SMARCAD1: variants seen among roughly 807,000 people sequenced by gnomAD.
The protein encoded by SMARCAD1 is SWI/SNF-related matrix-associated actin-dependent regulator of chromatin subfamily A containing DEAD/H box 1.
In SMARCAD1, 25 loss-of-function variants were observed where a neutral mutation model predicts 127.1. That is an observed-to-expected ratio of 0.20 (90% CI 0.14 to 0.27). The LOEUF (loss-of-function observed/expected upper bound fraction) is 0.27. SMARCAD1 is among the 10% of genes least tolerant of loss of function. The pLI, the probability that SMARCAD1 is intolerant of heterozygous loss-of-function variation, is 1.00. For synonymous variants in SMARCAD1, 400 were observed against 396.9 expected, an observed-to-expected ratio of 1.01 and a Z score of -0.09; for missense variants, 807 against 1,206.0, an observed-to-expected ratio of 0.67 and a Z score of 4.90.
intron 2 of SMARCAD1, among the ~76,000 whole-genome samples, chr4:94,209,371 A>AGAG (rs1315615049): frequency 6.6e-6 from 1 of 152,254 alleles, no homozygotes; most frequent in African/African-American, 2.4e-5. Flanking sequence ...GGAACTTGGT[A>AGAG]GAGCCTGAAC....
rs559864672 is a variant in SMARCAD1 at position 94,282,139 on chromosome 4, G to A, written c.2726+549G>A. 5.3e-3 allele frequency among the ~76,000 whole-genome samples: 287 copies of A among 54,082 alleles called. 20 individuals are homozygous for A. Among genetic ancestry groups the A allele is most frequent in the Non-Finnish European group, 7.7e-3 (214 of 27,770 alleles). 35.5% of individuals were successfully genotyped at this position (54,082 alleles called of 152,430 possible). ...TTTTGAGACGGAGTCTCGCTCTGTC[G>A]CCCAGGCTGGAGTGCAGTGGCGCGA... On this transcript the variant is annotated intron_variant, in intron 21 of 23. Coordinates refer to ENST00000354268, the MANE Select transcript of SMARCAD1 (RefSeq NM_020159.5).
At position 94,210,535 on chromosome 4, in the gene SMARCAD1, C is replaced by G. The variant is rs1317762348; in HGVS notation, c.190+1951C>G. On this transcript the variant is annotated intron_variant, in intron 2 of 23. Coordinates refer to ENST00000354268, the MANE Select transcript of SMARCAD1 (RefSeq NM_020159.5). ...GAAGGGAAAGAAAACATTTAGGCAA[C>G]TCCTGTAATTGAGCTTAATGATAGC... Among the ~76,000 whole-genome samples the G allele has an allele frequency of 3.3e-5, 5 of 152,064 alleles. No individual in the cohort carries two copies. In the South Asian group the frequency reaches 1.0e-3, roughly 32 times the overall value.
chr4:94,244,720 C>G (rs948070372), intron 6 of SMARCAD1, among the ~76,000 whole-genome samples: 1 of 148,378 alleles, frequency 6.7e-6, no homozygotes, highest in Non-Finnish European at 1.5e-5. Context: ...TTACTTAGTT[C>G]TTCTCTGTTA....
chr4:94,237,267 A>T (rs1746807307), intron 5 of SMARCAD1, among the ~76,000 whole-genome samples: 1 of 152,090 alleles, frequency 6.6e-6, no homozygotes, highest in Non-Finnish European at 1.5e-5. Context: ...TCTCTTTTTA[A>T]AGTATAATTT....
intron 11 of SMARCAD1, among the ~76,000 whole-genome samples, chr4:94,271,765 G>C (rs562589652): frequency 4.6e-5 from 7 of 152,276 alleles, no homozygotes; most frequent in East Asian, 1.9e-4. Flanking sequence ...GGGGTCCCCA[G>C]CTTTGCCTTT....
chr4:94,289,862 T>G lies in SMARCAD1; in HGVS notation c.*328T>G, dbSNP rs1481134725. On this transcript the variant is annotated 3_prime_UTR_variant, in exon 24 of 24. Transcript: ENST00000354268. ...GAAATGTCAGTATTTTTGTAATTAT[T>G]TCTACCTCCAAATATATATATATTG... The G allele has an allele frequency of 6.3e-6, 3 of 473,352 alleles. No individual in the cohort carries two copies. Among genetic ancestry groups the G allele is most frequent in the Non-Finnish European group, 1.2e-5 (3 of 240,412 alleles). The allele number at this position is 473,352 out of a possible 1,614,324, so 29.3% of individuals were successfully genotyped here.
At chr4:94,260,097 T>C (rs1750732852) in intron 9 of SMARCAD1, among the ~76,000 whole-genome samples, 1 of 152,152 alleles carries the variant, frequency 6.6e-6, no homozygotes, top group Non-Finnish European at 1.5e-5. Flanking sequence ...TCTATAACTC[T>C]CCTGTCTAAA....
intron 4 of SMARCAD1, among the ~76,000 whole-genome samples, chr4:94,236,470 A>AT (rs999333495): frequency 2.6e-5 from 4 of 152,092 alleles, no homozygotes; most frequent in African/African-American, 7.2e-5. Flanking sequence ...GCAGTATTAG[A>AT]TTTTTTTAAA....
At chr4:94,284,341 AAAAAAAAAAAAAG>A (rs1445251443) in intron 22 of SMARCAD1, among the ~76,000 whole-genome samples, 2 of 104,228 alleles carry the variant, frequency 1.9e-5, no homozygotes, top group African/African-American at 3.0e-5. Context: ...AAAAAAAAAA[AAAAAAAAAAAAAG>A]AAAAAAGTAA....
At chr4:94,255,465 AATTAT>A (rs750865987) in intron 9 of SMARCAD1, among the ~76,000 whole-genome samples, 151 of 152,128 alleles carry the variant, frequency 9.9e-4, no homozygotes, top group Non-Finnish European at 1.9e-3. Context: ...TGAATGTGAA[AATTAT>A]ATTGTGCCTT....
Position 94,290,354 on chromosome 4 carries a change from C to T in SMARCAD1, c.*820C>T, listed in dbSNP as rs960680995. 2.2e-6 allele frequency: 1 copy of T among 454,386 alleles called. No homozygotes were observed. The highest frequency in any genetic ancestry group is 2.0e-5 in the African/African-American group (1 of 49,998). The allele number at this position is 454,386 out of a possible 1,614,324, so 28.1% of individuals were successfully genotyped here. On this transcript the variant is annotated 3_prime_UTR_variant, in exon 24 of 24. Coordinates refer to ENST00000354268, the MANE Select transcript of SMARCAD1 (RefSeq NM_020159.5). Reference sequence around the variant, plus strand: ...GCCCAGTCACTTCTGCTCCAATTCTCTTCCTCTCTAAATAGTAGTTTATTA... The same window carrying T: ...GCCCAGTCACTTCTGCTCCAATTCTTTTCCTCTCTAAATAGTAGTTTATTA...
intron 16 of SMARCAD1, among the ~76,000 whole-genome samples, chr4:94,278,045 C>A (rs1463231389): frequency 6.6e-6 from 1 of 152,066 alleles, no homozygotes; most frequent in Non-Finnish European, 1.5e-5. Context: ...CCATTTTCCA[C>A]AAAGAAATAA....
intron 4 of SMARCAD1, among the ~76,000 whole-genome samples, chr4:94,236,502 C>G (rs1482141093): frequency 6.6e-6 from 1 of 151,568 alleles, no homozygotes; most frequent in African/African-American, 2.4e-5. Context: ...GTCCTTTTTC[C>G]CCTAGAAATT....
chr4:94,225,029 A>G (rs1423908686), intron 2 of SMARCAD1, among the ~76,000 whole-genome samples: 6 of 152,290 alleles, frequency 3.9e-5, no homozygotes, highest in Middle Eastern at 3.4e-3. Context: ...CATTCCTCCT[A>G]AAATATGTAA....
intron 2 of SMARCAD1, chr4:94,212,982 A>G (rs1553912424): frequency 2.1e-6 from 2 of 949,302 alleles, no homozygotes; most frequent in Non-Finnish European, 2.9e-6. Context: ...GTTGTCAATG[A>G]TTGTTATTTA....
At chr4:94,216,464 A>T (rs935223923) in intron 2 of SMARCAD1, among the ~76,000 whole-genome samples, 1 of 152,190 alleles carries the variant, frequency 6.6e-6, no homozygotes, top group Non-Finnish European at 1.5e-5. Context: ...ATTATGATAA[A>T]ATACACATAA....
intron 9 of SMARCAD1, among the ~76,000 whole-genome samples, chr4:94,256,638 C>T (rs538532951): frequency 6.6e-6 from 1 of 152,188 alleles, no homozygotes; most frequent in Non-Finnish European, 1.5e-5. Flanking sequence ...GCCGGGGTTA[C>T]AGGCGTGAGC....
Position 94,291,146 on chromosome 4 carries a change from T to A in SMARCAD1, c.*1612T>A. On this transcript the variant is annotated 3_prime_UTR_variant, in exon 24 of 24. Transcript: ENST00000354268. The stretch of plus-strand genomic sequence containing the variant: ...GGATATCTCATGTTTTCTGTATTAA[T>A]GTATTTTCAATGATAGGCTGTTTCT... 2.2e-6 allele frequency: 1 copy of A among 452,914 alleles called. No individual in the cohort carries two copies. The highest frequency in any genetic ancestry group is 1.6e-5 in the South Asian group (1 of 63,826). 28.1% of individuals were successfully genotyped at this position (452,914 alleles called of 1,614,324 possible). A position where few individuals can be genotyped will look rare whatever the true frequency, so the allele number is the denominator to read the frequency against.
chr4:94,233,887 A>G (rs1746238566), intron 3 of SMARCAD1, 67 bp from the exon 4 acceptor site: 2 of 1,493,436 alleles, frequency 1.3e-6, no homozygotes, highest in East Asian at 2.3e-5. Context: ...ATACACATAG[A>G]CACTATAATG....
Sources: allele counts gnomAD v4.1 joint callset (sites outside exome capture counted in the v4.1 genomes callset), GRCh38; gene constraint gnomAD v4.1.1; transcripts MANE v1.5; gene names NCBI Gene and HGNC (gene_info 2026-07-23, HGNC 2026-07-21).